The following SMIM36 variants were observed in gnomAD, a reference collection of about 807,000 sequenced individuals.
The protein encoded by SMIM36 is small integral membrane protein 36.
upstream of SMIM36, among the ~76,000 whole-genome samples, chr17:55,512,101 C>T (rs1010225139): frequency 1.3e-4 from 20 of 152,238 alleles, no homozygotes; most frequent in African/African-American, 4.6e-4. Flanking sequence ...AAGAGGACAG[C>T]GTGTCCCAGT....
chr17:55,515,873 T>C (rs1178700878), upstream of SMIM36, among the ~76,000 whole-genome samples: 2 of 152,256 alleles, frequency 1.3e-5, no homozygotes, highest in Non-Finnish European at 2.9e-5. Flanking sequence ...ACCTATCTAA[T>C]GTGTGAATAA....
rs942195545 is a variant in SMIM36 at position 55,500,823 on chromosome 17, T to A, written c.*174+10056A>T. ...TATAATATATTATAATATATTATAT[T>A]TTATAATATATATTATAATATATTA... is the stretch of plus-strand genomic sequence containing the variant. On this transcript the variant is annotated intron_variant, in intron 1 of 4. Coordinates refer to ENST00000636752, the Ensembl canonical transcript of SMIM36. Among the ~76,000 whole-genome samples, 86 of 22,094 alleles carry A rather than the reference T, an allele frequency of 3.9e-3. 22 individuals are homozygous for A. The highest frequency in any genetic ancestry group is 6.1e-3 in the South Asian group (3 of 492). The allele number at this position is 22,094 out of a possible 152,430, so 14.5% of individuals were successfully genotyped here. A position where few individuals can be genotyped will look rare whatever the true frequency, so the allele number is the denominator to read the frequency against.
intron 1 of SMIM36, among the ~76,000 whole-genome samples, chr17:55,488,307 G>A (rs778128828): frequency 3.7e-4 from 57 of 152,300 alleles, no homozygotes; most frequent in South Asian, 1.5e-3. Flanking sequence ...GTCTGTTAGC[G>A]TGGAGGCTGC....
intron 3 of SMIM36, among the ~76,000 whole-genome samples, chr17:55,471,814 T>C (rs1909344950): frequency 6.6e-6 from 1 of 152,140 alleles, no homozygotes; most frequent in Non-Finnish European, 1.5e-5. Context: ...TGCCTTTCTG[T>C]CAAAAGAACT....
the SMIM36 span, among the ~76,000 whole-genome samples, chr17:55,529,796 CA>C: frequency 2.6e-5 from 4 of 151,370 alleles, no homozygotes; most frequent in Non-Finnish European, 5.9e-5. Flanking sequence ...GTCCGAAAAA[CA>C]AACAAACAAA....
At chr17:55,487,143 T>A (rs974506721) in intron 1 of SMIM36, among the ~76,000 whole-genome samples, 2 of 151,484 alleles carry the variant, frequency 1.3e-5, no homozygotes, top group South Asian at 4.2e-4. Context: ...TAGGTGGGAA[T>A]TGAACAATGA....
chr17:55,462,098 TG>T (rs917310335), intron 4 of SMIM36, among the ~76,000 whole-genome samples: 2 of 152,210 alleles, frequency 1.3e-5, no homozygotes, highest in African/African-American at 4.8e-5. Flanking sequence ...TTTGATGTTG[TG>T]GAAAGTGTAT....
chr17:55,478,527 G>C (rs559421360), intron 3 of SMIM36, among the ~76,000 whole-genome samples: 189 of 152,178 alleles, frequency 1.2e-3, no homozygotes, highest in Non-Finnish European at 1.8e-3. Flanking sequence ...ACCACACCTG[G>C]CCTATTCCTT....
intron 1 of SMIM36, among the ~76,000 whole-genome samples, chr17:55,481,903 C>T (rs1439258472): frequency 2.0e-5 from 3 of 152,224 alleles, no homozygotes; most frequent in East Asian, 1.9e-4. Flanking sequence ...CACTATGTTG[C>T]CCAGGCTTGT....
chr17:55,477,695 G>A (rs1158765875), intron 3 of SMIM36, among the ~76,000 whole-genome samples: 2 of 152,040 alleles, frequency 1.3e-5, no homozygotes, highest in African/African-American at 4.8e-5. Context: ...TATGATCTTG[G>A]TCAAGTTATT....
the SMIM36 span, among the ~76,000 whole-genome samples, chr17:55,529,609 TACACACACACAC>T: frequency 7.0e-6 from 1 of 142,922 alleles, no homozygotes; most frequent in Non-Finnish European, 1.5e-5. Flanking sequence ...CTACTAAAAA[TACACACACACAC>T]ACACACACAC....
chr17:55,451,827 G>C (rs1385393818), intron 4 of SMIM36, among the ~76,000 whole-genome samples: 3 of 152,178 alleles, frequency 2.0e-5, no homozygotes, highest in Admixed American at 6.5e-5. Context: ...CTGTATGCAG[G>C]GGCTGATGCC....
intron 1 of SMIM36, among the ~76,000 whole-genome samples, chr17:55,497,265 T>C (rs79864789): frequency 6.6e-6 from 1 of 152,112 alleles, no homozygotes. Context: ...TATTTATTTA[T>C]TTATTATTTA....
chr17:55,523,212 G>A, the SMIM36 span, among the ~76,000 whole-genome samples: 3 of 152,092 alleles, frequency 2.0e-5, no homozygotes, highest in Admixed American at 2.0e-4. Context: ...CAGGGAGACA[G>A]CAGGGATGTG....
rs1367394918 is a variant in SMIM36 at position 55,500,865 on chromosome 17, A to AAT, written c.*174+10012_*174+10013dup. ...AATATATTATATTATAATATATTAT[A>AAT]ATATATTATATTTTATAATATATAT... On this transcript the variant is annotated intron_variant, in intron 1 of 4. Coordinates refer to ENST00000636752, the Ensembl canonical transcript of SMIM36. Among the ~76,000 whole-genome samples, 3 of 47,516 alleles carry AAT rather than the reference A, an allele frequency of 6.3e-5. 1 individual carries two copies. The highest frequency in any genetic ancestry group is 8.7e-5 in the Non-Finnish European group (3 of 34,328). 31.2% of individuals were successfully genotyped at this position (47,516 alleles called of 152,430 possible).
At chr17:55,499,056 C>T (rs1046246272) in intron 1 of SMIM36, among the ~76,000 whole-genome samples, 5 of 141,184 alleles carry the variant, frequency 3.5e-5, no homozygotes, top group African/African-American at 1.3e-4. Flanking sequence ...AAATAGTAAA[C>T]AGCAGATAGT....
intron 1 of SMIM36, among the ~76,000 whole-genome samples, chr17:55,501,512 GT>G (rs1909979109): frequency 1.0e-5 from 1 of 96,010 alleles, no homozygotes; most frequent in Non-Finnish European, 1.9e-5. Flanking sequence ...ATATTATTAT[GT>G]ATTATATAAT....
At chr17:55,490,351 T>C (rs1170779020) in intron 1 of SMIM36, among the ~76,000 whole-genome samples, 2 of 152,154 alleles carry the variant, frequency 1.3e-5, no homozygotes, top group Admixed American at 1.3e-4. Flanking sequence ...ACATTAGTGG[T>C]TTGGACTGAC....
At chr17:55,487,734 C>T (rs971068147) in intron 1 of SMIM36, among the ~76,000 whole-genome samples, 6 of 152,128 alleles carry the variant, frequency 3.9e-5, no homozygotes, top group South Asian at 2.1e-4. Context: ...GCAGTATCAC[C>T]CTTGGGGAGC....
Sources: gnomAD v4.1 joint callset for allele counts (sites outside exome capture counted in the v4.1 genomes callset) on GRCh38, gnomAD v4.1.1 for gene constraint, MANE v1.5 for transcripts, NCBI Gene and HGNC (gene_info 2026-07-23, HGNC 2026-07-21) for gene names.